Variants in ZSCAN30 observed in about 807,000 individuals in gnomAD.
The protein encoded by ZSCAN30 is zinc finger and SCAN domain containing 30.
A neutral mutation model predicts 44.3 loss-of-function variants in ZSCAN30; 37 were observed. The ratio of observed to expected loss-of-function variants is 0.84; its 90% confidence interval spans 0.64 to 1.10. The LOEUF (loss-of-function observed/expected upper bound fraction) is 1.10, where lower values mean the gene tolerates loss of function less well. ZSCAN30 is among the 50% of genes least tolerant of loss of function. The pLI, the probability that ZSCAN30 is intolerant of heterozygous loss-of-function variation, is 0.00. For missense variants in ZSCAN30, 549 were observed against 582.6 expected (o/e 0.94, Z 0.59); for synonymous variants, 181 against 204.6 (o/e 0.88, Z 0.98).
chr18:35,283,199 A>G (rs1158079304), intron 1 of ZSCAN30: 1 of 151,854 alleles, frequency 6.6e-6, no homozygotes, highest in Non-Finnish European at 1.5e-5. Context: ...CCTGGTCAAC[A>G]TGGTGAGACC....
At chr18:35,284,571 T>G (rs901762490) in intron 1 of ZSCAN30, 6 of 155,040 alleles carry the variant, frequency 3.9e-5, no homozygotes, top group African/African-American at 1.4e-4. Context: ...CTGGCTGGGC[T>G]GCAACAGCAC....
chr18:35,258,026 C>T (rs928810299), intron 3 of ZSCAN30: 3 of 780,142 alleles, frequency 3.8e-6, no homozygotes, highest in Admixed American at 3.4e-5. Context: ...TAGTGAAGCA[C>T]CTACAAGAAA....
intron 1 of ZSCAN30, among the ~76,000 whole-genome samples, chr18:35,288,326 TGA>T (rs1304276741): frequency 2.0e-5 from 3 of 152,196 alleles, no homozygotes; most frequent in African/African-American, 7.2e-5. Flanking sequence ...GAAACCACAG[TGA>T]GATACACAGT....
Position 35,264,392 on chromosome 18 carries a change from C to A in ZSCAN30, c.-40G>T. The stretch of plus-strand genomic sequence containing the variant: ...GTCTGAAAAGGCTGCCCAGGTGAGG[C>A]AGGGAGGAGATGGAGATTTGCGTCT... On this transcript the variant is annotated 5_prime_UTR_variant, in exon 2 of 4. Coordinates refer to ENST00000333206, the MANE Select transcript of ZSCAN30 (RefSeq NM_001112734.4). 6.3e-7 allele frequency: 1 copy of A among 1,579,612 alleles called. No homozygotes were observed. Among genetic ancestry groups the A allele is most frequent in the Non-Finnish European group, 8.6e-7 (1 of 1,162,830 alleles).
intron 1 of ZSCAN30, among the ~76,000 whole-genome samples, chr18:35,274,705 C>T (rs533482277): frequency 9.9e-5 from 15 of 152,188 alleles, no homozygotes; most frequent in Non-Finnish European, 1.9e-4. Flanking sequence ...GTTCACCTCA[C>T]TGGACTTAGA....
Position 35,264,150 on chromosome 18 carries a change from C to T in ZSCAN30, c.203G>A (p.Arg68Gln), listed in dbSNP as rs781248605. ...CCACTGACAGCAAAGCTCTCGCAGC[C>T]GGCTCAGAGCCTCCCGAGGGCCAGT... Reference protein sequence around the residue: ...DSTGPREALSRLRELCCQWLR... With the variant: ...DSTGPREALSQLRELCCQWLR... Residue 68 changes from arginine (R) to glutamine (Q), a missense_variant, in exon 2 of 4, where the codon CGG becomes CAG. Physicochemically the swap from Arg to Gln is conservative, Grantham distance 43. Transcript: ENST00000333206. The T allele has an allele frequency of 3.1e-5, 50 of 1,614,104 alleles. No individual in the cohort carries two copies. The East Asian group carries it at 7.8e-4, about 25-fold the overall frequency.
intron 3 of ZSCAN30, among the ~76,000 whole-genome samples, chr18:35,255,281 T>G (rs868688123): frequency 3.4e-4 from 51 of 151,524 alleles, no homozygotes; most frequent in Admixed American, 2.4e-3. Context: ...CTACTAGAGA[T>G]GGGGCATATT....
intron 1 of ZSCAN30, among the ~76,000 whole-genome samples, chr18:35,276,334 T>C (rs373055200): frequency 1.7e-4 from 26 of 152,260 alleles, no homozygotes; most frequent in African/African-American, 6.0e-4. Context: ...CTCTTTATTA[T>C]ACATCTATTC....
At chr18:35,254,748 A>C in intron 3 of ZSCAN30, 1 of 323,592 alleles carries the variant, frequency 3.1e-6, no homozygotes, top group East Asian at 7.7e-5. Flanking sequence ...AAAAGTTAAA[A>C]GGAATGATCA....
intron 1 of ZSCAN30, chr18:35,289,832 C>T (rs2044621608): frequency 6.6e-6 from 1 of 152,220 alleles, no homozygotes; most frequent in Non-Finnish European, 1.5e-5. Context: ...ACCTGAGAAC[C>T]TGGGCTGCCA....
intron 1 of ZSCAN30, among the ~76,000 whole-genome samples, chr18:35,288,416 A>T (rs1337934383): frequency 6.6e-6 from 1 of 152,172 alleles, no homozygotes; most frequent in Admixed American, 6.5e-5. Context: ...CCACTCTGAA[A>T]AGTAGTGTGG....
At chr18:35,259,511 A>G (rs1265692151) in intron 3 of ZSCAN30, among the ~76,000 whole-genome samples, 1 of 152,178 alleles carries the variant, frequency 6.6e-6, no homozygotes, top group African/African-American at 2.4e-5. Context: ...AGGTCCTCAC[A>G]AGATCATCCC....
chr18:35,253,093 G>T lies in ZSCAN30; in HGVS notation c.*357C>A. On this transcript the variant is annotated 3_prime_UTR_variant, in exon 4 of 4. Transcript: ENST00000333206. ...AGGCACATTTGCCATCTTATAAGAA[G>T]CTCTTTCAGGATCTCTGCCCCAATC... 1 of 182,576 alleles carries T rather than the reference G, an allele frequency of 5.5e-6. No individual in the cohort carries two copies. Among genetic ancestry groups the T allele is most frequent in the Non-Finnish European group, 1.1e-5 (1 of 87,852 alleles). 11.3% of individuals were successfully genotyped at this position (182,576 alleles called of 1,614,324 possible). A position where few individuals can be genotyped will look rare whatever the true frequency, so the allele number is the denominator to read the frequency against.
chr18:35,253,138 G>T lies in ZSCAN30; in HGVS notation c.*312C>A. ...CCAATCCTGGCATTACTGTGAAGGTGCCCAATGGAAATTATATCTGAGTTG... is the reference window on the plus strand; with the variant it reads ...CCAATCCTGGCATTACTGTGAAGGTTCCCAATGGAAATTATATCTGAGTTG... On this transcript the variant is annotated 3_prime_UTR_variant, in exon 4 of 4. Transcript: ENST00000333206. 1 of 220,490 alleles carries T rather than the reference G, an allele frequency of 4.5e-6. No individual in the cohort carries two copies. Among genetic ancestry groups the T allele is most frequent in the Non-Finnish European group, 9.0e-6 (1 of 111,006 alleles). The allele number at this position is 220,490 out of a possible 1,614,324, so 13.7% of individuals were successfully genotyped here. A position where few individuals can be genotyped will look rare whatever the true frequency, so the allele number is the denominator to read the frequency against.
chr18:35,264,266 A>G lies in ZSCAN30; in HGVS notation c.87T>C (p.Tyr29=). 6.2e-7 allele frequency: 1 copy of G among 1,614,160 alleles called. No homozygotes were observed. The highest frequency in any genetic ancestry group is 1.1e-5 in the South Asian group (1 of 91,084). The part of the protein sequence containing the change: ...LLVVKVEEEN[Y]VLDQDFGLQE... ...GAAGGCCAAAGTCCTGGTCCAAAAC[A>G]TAATTTTCTTCTTCAACCTTGACAA... Residue 29 remains tyrosine, a synonymous_variant, in exon 2 of 4, where the codon TAT becomes TAC. Transcript: ENST00000333206.
chr18:35,281,551 T>A (rs1026947532), intron 1 of ZSCAN30: 3 of 152,218 alleles, frequency 2.0e-5, no homozygotes, highest in Admixed American at 6.5e-5. Flanking sequence ...TACATGAGAA[T>A]TAACCTTTGG....
At position 35,251,661 on chromosome 18, in the gene ZSCAN30, A is replaced by C. The variant is rs1333942922; in HGVS notation, c.*1789T>G. On this transcript the variant is annotated 3_prime_UTR_variant, in exon 4 of 4. Coordinates refer to ENST00000333206, the MANE Select transcript of ZSCAN30 (RefSeq NM_001112734.4). ...AATTCTCATGAGATTTGGCTGATTGATAAGTGCCTAGCATTTCCCCTGCAC... is the reference window on the plus strand; with the variant it reads ...AATTCTCATGAGATTTGGCTGATTGCTAAGTGCCTAGCATTTCCCCTGCAC... The C allele has an allele frequency of 6.6e-6, 1 of 152,160 alleles. No individual in the cohort carries two copies. Among genetic ancestry groups the C allele is most frequent in the African/African-American group, 2.4e-5 (1 of 41,440 alleles). The allele number at this position is 152,160 out of a possible 1,614,324, so 9.4% of individuals were successfully genotyped here.
chr18:35,251,595 A>C lies in ZSCAN30; in HGVS notation c.*1855T>G, dbSNP rs1387286286. 6.6e-6 allele frequency: 1 copy of C among 152,130 alleles called. No homozygotes were observed. The highest frequency in any genetic ancestry group is 1.5e-5 in the Non-Finnish European group (1 of 68,040). 9.4% of individuals were successfully genotyped at this position (152,130 alleles called of 1,614,324 possible). ...GGGAGGGTCGTGGTGGGAGGTGATT[A>C]GATCATGGGAGCAGATTTCCCCCTT... is the stretch of plus-strand genomic sequence containing the variant. On this transcript the variant is annotated 3_prime_UTR_variant, in exon 4 of 4. Coordinates refer to ENST00000333206, the MANE Select transcript of ZSCAN30 (RefSeq NM_001112734.4).
intron 1 of ZSCAN30, chr18:35,266,925 C>T (rs992493809): frequency 6.6e-6 from 1 of 152,160 alleles, no homozygotes; most frequent in Non-Finnish European, 1.5e-5. Flanking sequence ...CTCGGCCTCC[C>T]AAAGTGCTGG....
Sources: allele counts gnomAD v4.1 joint callset (sites outside exome capture counted in the v4.1 genomes callset), GRCh38; gene constraint gnomAD v4.1.1; transcripts MANE v1.5; gene names NCBI Gene and HGNC (gene_info 2026-07-23, HGNC 2026-07-21).